SRSF4: variants seen among roughly 807,000 people sequenced by gnomAD.
SRSF4 encodes serine and arginine rich splicing factor 4.
In SRSF4, 12 loss-of-function variants were observed where a neutral mutation model predicts 48.8. The ratio of observed to expected loss-of-function variants is 0.25; its 90% CI spans 0.16 to 0.40. SRSF4 has a LOEUF of 0.40. Ranked by LOEUF, SRSF4 falls within the 10% of genes least tolerant of loss-of-function variation. SRSF4 has a pLI of 1.00. For synonymous variants in SRSF4, 248 were observed against 232.5 expected (o/e 1.07, Z -0.61); for missense variants, 466 against 667.1 (o/e 0.70, Z 3.32).
chr1:29,150,266 T>TTA (rs1157384745), intron 4 of SRSF4, 74 bp from the exon 5 acceptor site: 210 of 770,606 alleles, frequency 2.7e-4, no homozygotes, highest in Admixed American at 2.7e-3. Flanking sequence ...ACTATATATA[T>TTA]TATATATATA....
At chr1:29,154,578 T>C in intron 4 of SRSF4, 118 bp downstream of exon 4, 2 of 974,262 alleles carry the variant, frequency 2.1e-6, no homozygotes, top group Non-Finnish European at 3.0e-6. Context: ...AATTCTAAGT[T>C]ATTGAACCAG....
At chr1:29,151,775 G>C (rs1355401303) in intron 4 of SRSF4, among the ~76,000 whole-genome samples, 2 of 152,202 alleles carry the variant, frequency 1.3e-5, no homozygotes, top group East Asian at 1.9e-4. Context: ...GACACATGCT[G>C]AAGTATTTAG....
Position 29,157,940 on chromosome 1 carries a change from C to T in SRSF4, c.363+1434G>A, listed in dbSNP as rs189668313. On this transcript the variant is annotated intron_variant, in intron 3 of 5. Transcript: ENST00000373795. ...ATCCCAGCACTTTAGGAGGCCAAGGCAGGTGGATCACTTGTGGTCAGGAGG... is the reference window on the plus strand; with the variant it reads ...ATCCCAGCACTTTAGGAGGCCAAGGTAGGTGGATCACTTGTGGTCAGGAGG... Among the ~76,000 whole-genome samples the T allele has an allele frequency of 1.6e-4, 24 of 152,256 alleles. 1 individual carries two copies. In the Middle Eastern group the frequency reaches 0.017, roughly 108 times the overall value.
chr1:29,154,876 G>C lies in SRSF4; in HGVS notation c.398C>G (p.Ala133Gly). 1 of 1,613,920 alleles carries C rather than the reference G, an allele frequency of 6.2e-7. No homozygotes were observed. Among genetic ancestry groups the C allele is most frequent in the Non-Finnish European group, 8.5e-7 (1 of 1,179,994 alleles). The change falls in exon 4 of 6, where the codon GCA becomes GGA. Residue 133 changes from alanine to glycine, a missense_variant. By Grantham distance (60) the Ala-to-Gly change is moderately conservative. This residue lies in a region of SRSF4 where 64 missense variants were observed against 230.2 expected (regional missense o/e 0.28). Coordinates refer to ENST00000373795, the MANE Select transcript of SRSF4 (RefSeq NM_005626.5). ...ATTTTTGCGTCCCTTGTGAGCATCTGCATAAGTCACTTCTCCTGCCTGACG... is the reference window on the plus strand; with the variant it reads ...ATTTTTGCGTCCCTTGTGAGCATCTCCATAAGTCACTTCTCCTGCCTGACG... ...YMRQAGEVTY[A>G]DAHKGRKNEG...
chr1:29,164,933 GA>G (rs1255063329), intron 1 of SRSF4, among the ~76,000 whole-genome samples: 1 of 152,092 alleles, frequency 6.6e-6, no homozygotes, highest in Non-Finnish European at 1.5e-5. Context: ...TCGAAAATCC[GA>G]AACTTTCTGA....
At chr1:29,157,671 T>C (rs1343320098) in intron 3 of SRSF4, among the ~76,000 whole-genome samples, 2 of 152,220 alleles carry the variant, frequency 1.3e-5, no homozygotes, top group Non-Finnish European at 2.9e-5. Context: ...AATTAAACTA[T>C]ACAAATGTAA....
chr1:29,147,906 C>T lies in SRSF4; in HGVS notation c.*504G>A. On this transcript the variant is annotated 3_prime_UTR_variant, in exon 6 of 6. Coordinates refer to ENST00000373795, the MANE Select transcript of SRSF4 (RefSeq NM_005626.5). The stretch of plus-strand genomic sequence containing the variant: ...GAATATGGAACTCTACAGTTTATTT[C>T]CTATGGGTTACTGCAGGTATCAATT... 3.1e-6 allele frequency: 1 copy of T among 319,334 alleles called. No homozygotes were observed. The highest frequency in any genetic ancestry group is 2.6e-5 in the South Asian group (1 of 38,076). The allele number at this position is 319,334 out of a possible 1,614,324, so 19.8% of individuals were successfully genotyped here.
chr1:29,161,592 CTTAT>C (rs553751051), intron 1 of SRSF4, among the ~76,000 whole-genome samples: 14 of 152,278 alleles, frequency 9.2e-5, no homozygotes, highest in East Asian at 7.7e-4. Flanking sequence ...TTCCAGTTTA[CTTAT>C]TTATTTATTT....
chr1:29,152,646 C>T (rs1172889558), intron 4 of SRSF4, among the ~76,000 whole-genome samples: 3 of 152,238 alleles, frequency 2.0e-5, no homozygotes, highest in East Asian at 1.9e-4. Flanking sequence ...TCGACGGGCA[C>T]GGTGGCTCAA....
intron 2 of SRSF4, chr1:29,160,105 T>C (rs1672569227): frequency 1.7e-5 from 6 of 348,326 alleles, no homozygotes; most frequent in Non-Finnish European, 2.6e-5. Flanking sequence ...TGTTAAACAA[T>C]TGCATTACAG....
chr1:29,148,297 T>G lies in SRSF4; in HGVS notation c.*113A>C, dbSNP rs570743940. The G allele has an allele frequency of 2.2e-6, 3 of 1,356,640 alleles. No individual in the cohort carries two copies. The highest frequency in any genetic ancestry group is 3.1e-6 in the Non-Finnish European group (3 of 971,966). The allele number at this position is 1,356,640 out of a possible 1,614,324, so 84.0% of individuals were successfully genotyped here. A position where few individuals can be genotyped will look rare whatever the true frequency, so the allele number is the denominator to read the frequency against. ...GATTTAACAATTATAGACACACCAT[T>G]AGGGGAGTTAAAAATGTACAGCAGT... On this transcript the variant is annotated 3_prime_UTR_variant, in exon 6 of 6. Transcript: ENST00000373795.
chr1:29,160,185 G>A, intron 2 of SRSF4, 190 bp downstream of exon 2: 5 of 598,580 alleles, frequency 8.4e-6, no homozygotes. Flanking sequence ...ACAAGAAATT[G>A]TCATTAGTTT....
chr1:29,160,189 T>C (rs1672572083), intron 2 of SRSF4, 186 bp downstream of exon 2: 1 of 609,014 alleles, frequency 1.6e-6, no homozygotes, highest in Non-Finnish European at 2.6e-6. Context: ...GAAATTGTCA[T>C]TAGTTTAATT....
rs1264440378 is a variant in SRSF4, at chr1:29,173,846, T to C, written c.107+7800A>G. Among the ~76,000 whole-genome samples, 37 of 151,992 alleles carry C rather than the reference T, an allele frequency of 2.4e-4. 1 individual carries two copies. Among genetic ancestry groups the C allele is most frequent in the Admixed American group, 2.4e-3 (36 of 15,260 alleles). On this transcript the variant is annotated intron_variant, in intron 1 of 5. Coordinates refer to ENST00000373795, the MANE Select transcript of SRSF4 (RefSeq NM_005626.5). The stretch of plus-strand genomic sequence containing the variant: ...TCATATATAATTCTAAACATTTTAA[T>C]TAGAAAAAATTAGTTTAAAAAATTA...
At chr1:29,157,327 CA>C (rs1321476513) in intron 3 of SRSF4, among the ~76,000 whole-genome samples, 1 of 151,926 alleles carries the variant, frequency 6.6e-6, no homozygotes, top group Non-Finnish European at 1.5e-5. Context: ...TCTGTTCTAA[CA>C]AAAAAATTAA....
chr1:29,165,452 T>G (rs116570147), intron 1 of SRSF4, among the ~76,000 whole-genome samples: 2,494 of 152,278 alleles, frequency 0.016, 45 homozygotes, highest in Non-Finnish European at 0.024. Flanking sequence ...CAGGCAAGAA[T>G]TATTATCTGA....
intron 1 of SRSF4, among the ~76,000 whole-genome samples, chr1:29,162,790 T>C (rs1044724264): frequency 6.6e-6 from 1 of 152,116 alleles, no homozygotes; most frequent in Non-Finnish European, 1.5e-5. Flanking sequence ...CACAGGAAAA[T>C]ACCAACTGTT....
chr1:29,152,706 G>T (rs7549608), intron 4 of SRSF4, among the ~76,000 whole-genome samples: 1 of 152,022 alleles, frequency 6.6e-6, no homozygotes, highest in South Asian at 2.1e-4. Flanking sequence ...GTCACCTGAG[G>T]TCAGGAGTTC....
rs970026355 is a variant in SRSF4, at chr1:29,148,336, C to A, written c.*74G>T. 18 of 1,529,622 alleles carry A rather than the reference C, an allele frequency of 1.2e-5. No homozygotes were observed. In the Admixed American group the frequency reaches 3.4e-4, roughly 29 times the overall value. 94.8% of individuals were successfully genotyped at this position (1,529,622 alleles called of 1,614,324 possible). On this transcript the variant is annotated 3_prime_UTR_variant, in exon 6 of 6. Coordinates refer to ENST00000373795, the MANE Select transcript of SRSF4 (RefSeq NM_005626.5). ...ATGTACAGCAGTGACATGTTCTACT[C>A]CAATCACTTGTGCTACGGCTACCAA...
Sources: gnomAD v4.1 joint callset for allele counts (sites outside exome capture counted in the v4.1 genomes callset) on GRCh38, gnomAD v4.1.1 for gene constraint, gnomAD v4.1.1 regional missense constraint, MANE v1.5 for transcripts, NCBI Gene and HGNC (gene_info 2026-07-23, HGNC 2026-07-21) for gene names.